MMP26: variants seen among roughly 807,000 people sequenced by gnomAD.
MMP26 encodes matrix metallopeptidase 26.
A neutral mutation model predicts 31.0 loss-of-function variants in MMP26; 33 were observed. That is an observed-to-expected ratio of 1.06 (90% CI 0.81 to 1.42). The LOEUF (loss-of-function observed/expected upper bound fraction) is 1.42, where lower values mean the gene tolerates loss of function less well. MMP26 is among the 40% of genes most tolerant of loss of function. The pLI, the probability that MMP26 is intolerant of heterozygous loss-of-function variation, is 0.00. For synonymous variants in MMP26, 122 were observed against 114.9 expected (o/e 1.06, Z -0.40); for missense variants, 347 against 316.1 (o/e 1.10, Z -0.74).
At chr11:4,832,515 T>G (rs1033798727) in intron 2 of MMP26, 6 of 152,488 alleles carry the variant, frequency 3.9e-5, no homozygotes, top group African/African-American at 1.2e-4. Flanking sequence ...TTAGTAGCCA[T>G]TTGCAACCCC....
At chr11:4,803,392 A>T in intron 2 of MMP26, 1 of 1,247,240 alleles carries the variant, frequency 8.0e-7, no homozygotes, top group Non-Finnish European at 1.1e-6. Flanking sequence ...TCCCCACATT[A>T]GTGGGGCAAT....
intron 2 of MMP26, chr11:4,882,261 C>A: frequency 1.9e-6 from 3 of 1,613,942 alleles, no homozygotes; most frequent in Non-Finnish European, 2.5e-6. Context: ...GTAGCCATGG[C>A]CTTTGACCGC....
chr11:4,811,501 G>A (rs999689997), intron 2 of MMP26, among the ~76,000 whole-genome samples: 1 of 152,206 alleles, frequency 6.6e-6, no homozygotes, highest in East Asian at 1.9e-4. Flanking sequence ...TAGGATAATG[G>A]CCTCTCATTC....
intron 2 of MMP26, among the ~76,000 whole-genome samples, chr11:4,873,448 A>C (rs540710039): frequency 1.3e-5 from 2 of 152,108 alleles, no homozygotes; most frequent in Non-Finnish European, 2.9e-5. Context: ...AGATCCACCA[A>C]ATCCACTGTC....
chr11:4,856,134 C>T (rs1405976021), intron 2 of MMP26, among the ~76,000 whole-genome samples: 1 of 152,152 alleles, frequency 6.6e-6, no homozygotes, highest in Non-Finnish European at 1.5e-5. Context: ...ATTGTAAAGA[C>T]CATCGATGCT....
chr11:4,847,621 T>G (rs1245182417), intron 2 of MMP26: 1 of 152,104 alleles, frequency 6.6e-6, no homozygotes, highest in East Asian at 1.9e-4. Context: ...AATATACATA[T>G]GTATTCAAAA....
chr11:4,902,509 T>C (rs186830608), intron 2 of MMP26, among the ~76,000 whole-genome samples: 67 of 152,298 alleles, frequency 4.4e-4, no homozygotes, highest in African/African-American at 1.6e-3. Flanking sequence ...ATTTTCTTTA[T>C]CCAACCTTCT....
At chr11:4,839,561 A>C (rs1372328881) in intron 2 of MMP26, among the ~76,000 whole-genome samples, 1 of 151,928 alleles carries the variant, frequency 6.6e-6, no homozygotes, top group East Asian at 2.0e-4. Flanking sequence ...CCTAGCTACC[A>C]GATGGCATTT....
At chr11:4,917,133 G>A (rs61880592) in intron 2 of MMP26, among the ~76,000 whole-genome samples, 4 of 139,172 alleles carry the variant, frequency 2.9e-5, no homozygotes, top group African/African-American at 5.5e-5. Flanking sequence ...GCCCCAGTAC[G>A]CAGCAGATGC....
chr11:4,875,740 T>C (rs1230396028), intron 2 of MMP26: 3 of 152,152 alleles, frequency 2.0e-5, no homozygotes, highest in Non-Finnish European at 4.4e-5. Flanking sequence ...ACTTTAACTA[T>C]ATATGAAAAT....
At chr11:4,936,174 C>T (rs562464069) in intron 2 of MMP26, among the ~76,000 whole-genome samples, 3 of 148,276 alleles carry the variant, frequency 2.0e-5, no homozygotes, top group African/African-American at 7.5e-5. Context: ...CCTTGTACCT[C>T]TGGTAGAATT....
intron 2 of MMP26, among the ~76,000 whole-genome samples, chr11:4,873,361 C>A (rs1341350621): frequency 6.6e-6 from 1 of 152,076 alleles, no homozygotes. Flanking sequence ...GTCTCTTCAT[C>A]TTTGGTTTAT....
chr11:4,821,849 T>C, intron 2 of MMP26: 1 of 1,613,816 alleles, frequency 6.2e-7, no homozygotes, highest in Non-Finnish European at 8.5e-7. Context: ...AATGCCCGAA[T>C]TGCCAAGATT....
intron 2 of MMP26, among the ~76,000 whole-genome samples, chr11:4,927,575 A>G (rs548008836): frequency 1.3e-5 from 2 of 152,214 alleles, no homozygotes; most frequent in East Asian, 3.9e-4. Flanking sequence ...GTTCCCTGTG[A>G]CTAGGGATCT....
At chr11:4,822,381 A>G (rs777909208) in intron 2 of MMP26, 8 of 1,456,942 alleles carry the variant, frequency 5.5e-6, no homozygotes, top group Non-Finnish European at 1.8e-6. Flanking sequence ...ATCATCAGCT[A>G]TTTCTGATTA....
At chr11:4,786,469 G>A (rs1049527744) in intron 2 of MMP26, among the ~76,000 whole-genome samples, 2 of 140,576 alleles carry the variant, frequency 1.4e-5, no homozygotes, top group Admixed American at 7.1e-5. Context: ...AGTTTACAGT[G>A]CAAGGTAGTA....
Position 4,946,551 on chromosome 11 carries a change from G to C in MMP26, c.-144-41517G>C, listed in dbSNP as rs1278013697. 4.4e-6 allele frequency: 7 copies of C among 1,596,582 alleles called. No homozygotes were observed. The Admixed American group carries it at 5.0e-5, about 11-fold the overall frequency. On this transcript the variant is annotated intron_variant, in intron 2 of 7. Transcript: ENST00000380390. Reference sequence around the variant, plus strand: ...GAACAGGCCAACTTCATGACATCCTGGTGGAGACAGTAGGAATGGGATAAT... The same window carrying C: ...GAACAGGCCAACTTCATGACATCCTCGTGGAGACAGTAGGAATGGGATAAT...
intron 2 of MMP26, chr11:4,804,024 C>A: frequency 6.2e-7 from 1 of 1,613,962 alleles, no homozygotes; most frequent in South Asian, 1.1e-5. Context: ...GGGCCATAGC[C>A]ATGAGCACCC....
At chr11:4,874,709 T>C (rs1309714518) in intron 2 of MMP26, among the ~76,000 whole-genome samples, 2 of 152,106 alleles carry the variant, frequency 1.3e-5, no homozygotes, top group Non-Finnish European at 2.9e-5. Context: ...GTGGCTAGAC[T>C]GGCCTGAAAA....
Sources: gnomAD v4.1 joint callset for allele counts (sites outside exome capture counted in the v4.1 genomes callset) on GRCh38, gnomAD v4.1.1 for gene constraint, MANE v1.5 for transcripts, NCBI Gene and HGNC (gene_info 2026-07-23, HGNC 2026-07-21) for gene names.